PCDHAC1: variants seen among roughly 807,000 people sequenced by gnomAD.
PCDHAC1 encodes protocadherin alpha subfamily C, 1, also known as protocadherin alpha-C1.
In PCDHAC1, 42 loss-of-function variants were observed where a neutral mutation model predicts 60.0. The observed-to-expected ratio is 0.70, with a 90% confidence interval of 0.55 to 0.90. The LOEUF is 0.90. PCDHAC1 is among the 40% of genes least tolerant of loss of function. The pLI, the probability that PCDHAC1 is intolerant of heterozygous loss-of-function variation, is 0.00. For synonymous variants in PCDHAC1, 468 were observed against 499.3 expected (o/e 0.94, Z 0.84); for missense variants, 1,160 against 1,222.3 (o/e 0.95, Z 0.76).
intron 1 of PCDHAC1, among the ~76,000 whole-genome samples, chr5:140,937,096 G>T (rs1173485186): frequency 4.1e-5 from 6 of 146,810 alleles, no homozygotes; most frequent in African/African-American, 1.5e-4. Context: ...GGAGTGCAGT[G>T]GCGCAGTCTC....
intron 3 of PCDHAC1, among the ~76,000 whole-genome samples, chr5:140,992,706 G>T (rs1554253120): frequency 1.3e-5 from 2 of 152,138 alleles, no homozygotes; most frequent in Admixed American, 1.3e-4. Context: ...TAATGTTCCT[G>T]CCAGTATTCG....
At chr5:140,971,958 C>CT (rs1176007834) in intron 1 of PCDHAC1, among the ~76,000 whole-genome samples, 3 of 152,054 alleles carry the variant, frequency 2.0e-5, no homozygotes, top group African/African-American at 4.8e-5. Context: ...ACTCCAAAAA[C>CT]TTTTTTTCAA....
At chr5:140,939,911 T>C (rs1554213037) in intron 1 of PCDHAC1, among the ~76,000 whole-genome samples, 1 of 152,232 alleles carries the variant, frequency 6.6e-6, no homozygotes, top group African/African-American at 2.4e-5. Flanking sequence ...TTCTTTTTTA[T>C]TCTTTTTGTT....
chr5:140,986,634 A>C (rs1587175680), intron 3 of PCDHAC1, among the ~76,000 whole-genome samples: 3 of 152,202 alleles, frequency 2.0e-5, no homozygotes, highest in South Asian at 2.1e-4. Flanking sequence ...GCAACAGTAC[A>C]TTAGTTTTAG....
At chr5:140,999,993 G>A (rs529237834) in intron 3 of PCDHAC1, among the ~76,000 whole-genome samples, 1 of 152,114 alleles carries the variant, frequency 6.6e-6, no homozygotes, top group African/African-American at 2.4e-5. Flanking sequence ...CTGGGTAGTG[G>A]TATTAGATTG....
In PCDHAC1 at chr5:140,929,249, G is replaced by C. The variant is rs1212088369; in HGVS notation, c.2357G>C (p.Gly786Ala). ...GCCGACCTGCGAAATCTTGCCACTG[G>C]GGTAGGACTGAATTTGCCAATATCC... ...NAADLRNLAT[G>A]VGLNLPISCI... Residue 786 changes from glycine (G) to alanine (A), a missense_variant, in exon 1 of 4, where the codon GGG becomes GCG. Gly to Ala is a moderately conservative substitution (Grantham distance 60). Around this residue, in one of 3 missense-constraint regions of PCDHAC1, gnomAD observed 1,113 missense variants for 1,163.7 expected, o/e 0.96. Transcript: ENST00000253807. 8.7e-6 allele frequency: 14 copies of C among 1,613,366 alleles called. No homozygotes were observed. The highest frequency in any genetic ancestry group is 1.2e-5 in the Non-Finnish European group (14 of 1,179,562).
Position 140,968,215 on chromosome 5 carries a change from G to T in PCDHAC1, c.2434-10734G>T, listed in dbSNP as rs782676713. The stretch of plus-strand genomic sequence containing the variant: ...CCATCTACATACAGGAGAACAATTT[G>T]CCAGGTGTGTTGCTCTGTACTGTGC... On this transcript the variant is annotated intron_variant, in intron 1 of 3. Transcript: ENST00000253807. 3.1e-6 allele frequency: 5 copies of T among 1,613,862 alleles called. No homozygotes were observed. In the East Asian group the frequency reaches 1.1e-4, roughly 36 times the overall value.
At chr5:140,966,454 C>T (rs897696652) in intron 1 of PCDHAC1, 6 of 426,406 alleles carry the variant, frequency 1.4e-5, no homozygotes, top group Admixed American at 4.4e-5. Flanking sequence ...TCCCCCTCCC[C>T]CTCTGTCTTC....
intron 1 of PCDHAC1, among the ~76,000 whole-genome samples, chr5:140,949,245 A>G (rs782212374): frequency 2.4e-4 from 37 of 151,798 alleles, no homozygotes; most frequent in Non-Finnish European, 4.3e-4. Context: ...GCAACAGTCT[A>G]TCTTGATGAA....
chr5:140,964,857 CAA>C (rs1352009406), intron 1 of PCDHAC1, among the ~76,000 whole-genome samples: 5 of 152,088 alleles, frequency 3.3e-5, no homozygotes, highest in Admixed American at 3.3e-4. Context: ...CTTGAGGAAA[CAA>C]AGAGGACAAA....
At chr5:140,995,416 T>G (rs2097682772) in intron 3 of PCDHAC1, among the ~76,000 whole-genome samples, 1 of 152,228 alleles carries the variant, frequency 6.6e-6, no homozygotes, top group African/African-American at 2.4e-5. Context: ...TTCATCACAT[T>G]ACTCAGAACA....
intron 3 of PCDHAC1, among the ~76,000 whole-genome samples, chr5:141,000,248 C>T (rs1027764843): frequency 2.6e-5 from 4 of 151,280 alleles, no homozygotes; most frequent in Non-Finnish European, 4.4e-5. Context: ...GTGGCTGACA[C>T]CTGTGATCCT....
chr5:140,993,906 C>T (rs1245923228), intron 3 of PCDHAC1, among the ~76,000 whole-genome samples: 1 of 152,088 alleles, frequency 6.6e-6, no homozygotes, highest in Non-Finnish European at 1.5e-5. Flanking sequence ...AACAAAAATG[C>T]CTAGTGATGC....
At chr5:140,970,773 T>G (rs1385909769) in intron 1 of PCDHAC1, among the ~76,000 whole-genome samples, 1 of 152,240 alleles carries the variant, frequency 6.6e-6, no homozygotes, top group Non-Finnish European at 1.5e-5. Context: ...TTGCTGTACA[T>G]ACATATTGTA....
At chr5:140,999,755 A>G (rs932293037) in intron 3 of PCDHAC1, among the ~76,000 whole-genome samples, 1 of 152,168 alleles carries the variant, frequency 6.6e-6, no homozygotes, top group South Asian at 2.1e-4. Context: ...TTCGCAGCAC[A>G]TGATGTCTTT....
At chr5:140,935,767 T>C (rs1373324342) in intron 1 of PCDHAC1, among the ~76,000 whole-genome samples, 2 of 152,184 alleles carry the variant, frequency 1.3e-5, no homozygotes, top group Non-Finnish European at 2.9e-5. Flanking sequence ...TCTTCCCCAC[T>C]TTGAGTTTTT....
chr5:141,009,880 C>T lies in PCDHAC1; in HGVS notation c.2835C>T (p.Asn945=). ...AAAAGAAGAAAAAGAAGAAGGGTAACAAGACCCAGGAGAAAAAAGAGAAAG... is the reference window on the plus strand; with the variant it reads ...AAAAGAAGAAAAAGAAGAAGGGTAATAAGACCCAGGAGAAAAAAGAGAAAG... The part of the protein sequence containing the change: ...TKKKKKKKKG[N]KTQEKKEKGN... Residue 945 remains asparagine, a synonymous_variant, in exon 4 of 4, where the codon AAC becomes AAT. Transcript: ENST00000253807. 1 of 1,613,788 alleles carries T rather than the reference C, an allele frequency of 6.2e-7. No individual in the cohort carries two copies. The highest frequency in any genetic ancestry group is 8.5e-7 in the Non-Finnish European group (1 of 1,179,974).
At chr5:140,997,264 A>G (rs1554255813) in intron 3 of PCDHAC1, among the ~76,000 whole-genome samples, 3 of 152,154 alleles carry the variant, frequency 2.0e-5, no homozygotes. Context: ...CACTCTTCCA[A>G]ATATTTCTTG....
intron 3 of PCDHAC1, among the ~76,000 whole-genome samples, chr5:140,992,394 G>A (rs1338899804): frequency 2.0e-5 from 3 of 152,170 alleles, no homozygotes; most frequent in African/African-American, 7.2e-5. Flanking sequence ...TCTGGACTTA[G>A]AGATATTGTT....
Sources: allele counts gnomAD v4.1 joint callset (sites outside exome capture counted in the v4.1 genomes callset), GRCh38; gene constraint gnomAD v4.1.1; regional missense constraint gnomAD v4.1.1; transcripts MANE v1.5; gene names NCBI Gene and HGNC (gene_info 2026-07-23, HGNC 2026-07-21).